Variants in FREM2 observed in about 807,000 individuals in gnomAD.
The protein encoded by FREM2 is FRAS1-related extracellular matrix protein 2.
Under a neutral mutation model 219.9 loss-of-function variants are expected in FREM2, and 119 were observed. That is an observed-to-expected ratio of 0.54 (90% CI 0.47 to 0.63). The LOEUF (loss-of-function observed/expected upper bound fraction) is 0.63, where lower values mean the gene tolerates loss of function less well. Among genes scored for constraint, FREM2 ranks in the 30% least tolerant of loss-of-function variants. The pLI, the probability that FREM2 is intolerant of heterozygous loss-of-function variation, is 0.00. For synonymous variants in FREM2, 1,562 were observed against 1,522.8 expected, an observed-to-expected ratio of 1.03 and a Z score of -0.60; for missense variants, 4,030 against 3,993.6, an observed-to-expected ratio of 1.01 and a Z score of -0.25.
chr13:38,691,744 G>A lies in FREM2; in HGVS notation c.4400G>A (p.Gly1467Asp). 1.2e-6 allele frequency: 2 copies of A among 1,613,796 alleles called. No individual in the cohort carries two copies. Among genetic ancestry groups the A allele is most frequent in the Non-Finnish European group, 1.7e-6 (2 of 1,179,758 alleles). Reference protein sequence around the residue: ...VFTITRAPMRGHLECTDQPGV... With the variant: ...VFTITRAPMRDHLECTDQPGV... The stretch of plus-strand genomic sequence containing the variant: ...ACCATCACCAGGGCTCCCATGCGAG[G>A]TCACCTGGAATGCACGGATCAGCCT... Residue 1467 changes from glycine (G) to aspartate (D), a missense_variant, in exon 1 of 24, where the codon GGT (glycine) becomes GAT (aspartate). By Grantham distance (94) the Gly-to-Asp change is moderately conservative (BLOSUM62 -1). This residue lies in a region of FREM2 where 3,102 missense variants were observed against 2,950.7 expected (regional missense o/e 1.05). Coordinates refer to ENST00000280481, the MANE Select transcript of FREM2 (RefSeq NM_207361.6).
At position 38,689,699 on chromosome 13, in the gene FREM2, T is replaced by G. The variant is rs750544972; in HGVS notation, c.2355T>G (p.Ala785=). The change falls in exon 1 of 24, where the codon GCT becomes GCG. Residue 785 remains alanine, a synonymous_variant. Coordinates refer to ENST00000280481, the MANE Select transcript of FREM2 (RefSeq NM_207361.6). ...CCCAGATCAACCATCATAAAATTGC[T>G]TACAGACCCCCGGGTCAAGAACTGG... ...TQAQINHHKI[A]YRPPGQELGV... The G allele has an allele frequency of 6.2e-7, 1 of 1,613,950 alleles. No individual in the cohort carries two copies. The highest frequency in any genetic ancestry group is 8.5e-7 in the Non-Finnish European group (1 of 1,180,008).
At chr13:38,769,502 C>T in intron 3 of FREM2, 76 bp from the exon 4 acceptor site, 1 of 1,344,350 alleles carries the variant, frequency 7.4e-7, no homozygotes, top group South Asian at 1.2e-5. Context: ...AAATGACATG[C>T]AAAAAGTTAA....
intron 8 of FREM2, 116 bp downstream of exon 8, chr13:38,848,786 T>TA (rs1246663571): frequency 3.2e-6 from 3 of 941,276 alleles, no homozygotes; most frequent in Non-Finnish European, 4.8e-6. Context: ...AGGGCTTCCA[T>TA]AACAAAGTAG....
Position 38,864,511 on chromosome 13 carries a change from C to T in FREM2, c.7888C>T (p.Leu2630=). Residue 2630 remains leucine (L), a synonymous_variant, in exon 16 of 24, where the codon CTG becomes TTG. Coordinates refer to ENST00000280481, the MANE Select transcript of FREM2 (RefSeq NM_207361.6). ...CACTACCTTGCGCTTCTACCGGAAC[C>T]TGAACCTAGAGGCCTGTTTATGGGA... ...GSTTLRFYRN[L]NLEACLWEFV... The T allele has an allele frequency of 1.9e-6, 3 of 1,614,260 alleles. No homozygotes were observed. The highest frequency in any genetic ancestry group is 2.5e-6 in the Non-Finnish European group (3 of 1,180,052).
intron 8 of FREM2, 85 bp downstream of exon 8, chr13:38,848,755 A>C: frequency 2.4e-6 from 3 of 1,225,240 alleles, no homozygotes; most frequent in Non-Finnish European, 2.3e-6. Flanking sequence ...CAAGATGATT[A>C]TATATATTTG....
At chr13:38,827,797 T>C (rs7327647) in intron 6 of FREM2, among the ~76,000 whole-genome samples, 71 of 152,204 alleles carry the variant, frequency 4.7e-4, no homozygotes, top group African/African-American at 1.7e-3. Context: ...TCCACAACAC[T>C]GTGAAATGCT....
intron 11 of FREM2, among the ~76,000 whole-genome samples, chr13:38,854,336 C>A (rs1027280785): frequency 6.6e-6 from 1 of 151,692 alleles, no homozygotes; most frequent in African/African-American, 2.4e-5. Context: ...ATCACAAAAC[C>A]TTGAATGCTT....
At chr13:38,783,265 G>A in intron 5 of FREM2, 70 bp downstream of exon 5, 1 of 1,526,668 alleles carries the variant, frequency 6.6e-7, no homozygotes, top group South Asian at 1.1e-5. Flanking sequence ...ACATATTGGA[G>A]CCATAACATT....
At chr13:38,701,022 C>G (rs1870323010) in intron 2 of FREM2, among the ~76,000 whole-genome samples, 1 of 151,942 alleles carries the variant, frequency 6.6e-6, no homozygotes, top group Non-Finnish European at 1.5e-5. Flanking sequence ...TTCAGAGGTA[C>G]ATGTGGAGGT....
At chr13:38,754,112 G>A (rs1872886063) in intron 2 of FREM2, among the ~76,000 whole-genome samples, 1 of 152,102 alleles carries the variant, frequency 6.6e-6, no homozygotes, top group African/African-American at 2.4e-5. Context: ...ACATTAGTCA[G>A]CCTGGAAGGA....
intron 6 of FREM2, among the ~76,000 whole-genome samples, chr13:38,812,298 G>GTGA (rs1210664899): frequency 1.3e-5 from 2 of 152,012 alleles, no homozygotes; most frequent in African/African-American, 2.4e-5. Context: ...TACATTTAAG[G>GTGA]TTATTATTGA....
rs1193127899 is a variant in FREM2 at position 38,853,466 on chromosome 13, C to T, written c.6925+1598C>T. On this transcript the variant is annotated intron_variant, in intron 11 of 23. Coordinates refer to ENST00000280481, the MANE Select transcript of FREM2 (RefSeq NM_207361.6). ...ATTATTCACTGTGTTTTCTCCTTTCCTACCTCTCACTATCAAGAGTCATTA... is the reference window on the plus strand; with the variant it reads ...ATTATTCACTGTGTTTTCTCCTTTCTTACCTCTCACTATCAAGAGTCATTA... 2.0e-5 allele frequency among the ~76,000 whole-genome samples: 3 copies of T among 152,094 alleles called. No homozygotes were observed. In the East Asian group the frequency reaches 5.8e-4, roughly 29 times the overall value.
rs1210581576 is a variant in FREM2 at position 38,691,713 on chromosome 13, G to A, written c.4369G>A (p.Val1457Ile). The A allele has an allele frequency of 6.2e-7, 1 of 1,613,606 alleles. No homozygotes were observed. Among genetic ancestry groups the A allele is most frequent in the Admixed American group, 1.7e-5 (1 of 60,004 alleles). ...SDLNSPDENL[V>I]FTITRAPMRG... ...CTTGAACAGTCCTGATGAAAACTTGGTTTTTACCATCACCAGGGCTCCCAT... is the reference window on the plus strand; with the variant it reads ...CTTGAACAGTCCTGATGAAAACTTGATTTTTACCATCACCAGGGCTCCCAT... The change falls in exon 1 of 24, where the codon GTT becomes ATT. Residue 1457 changes from valine to isoleucine, a missense_variant. By Grantham distance (29) the Val-to-Ile change is conservative. Coordinates refer to ENST00000280481, the MANE Select transcript of FREM2 (RefSeq NM_207361.6).
intron 21 of FREM2, 79 bp from the exon 22 acceptor site, chr13:38,878,055 T>C (rs1204713245): frequency 2.5e-6 from 3 of 1,207,504 alleles, no homozygotes; most frequent in Admixed American, 1.7e-5. Context: ...TGTGTCCTCA[T>C]TGTCATAACC....
chr13:38,864,799 T>G (rs1877899666), intron 16 of FREM2, among the ~76,000 whole-genome samples, 193 bp downstream of exon 16: 1 of 150,974 alleles, frequency 6.6e-6, no homozygotes, highest in Admixed American at 6.6e-5. Flanking sequence ...GGCCAGAATA[T>G]ACGTAGTTTT....
intron 6 of FREM2, 52 bp downstream of exon 6, chr13:38,784,860 G>C (rs752771936): frequency 6.3e-7 from 1 of 1,589,042 alleles, no homozygotes; most frequent in Non-Finnish European, 8.6e-7. Context: ...TCAACATCAG[G>C]AACAACTTTC....
chr13:38,695,859 T>C (rs916594910), intron 1 of FREM2, among the ~76,000 whole-genome samples: 6 of 152,048 alleles, frequency 3.9e-5, no homozygotes, highest in Non-Finnish European at 5.9e-5. Context: ...TTGAGAAACA[T>C]TTGCGCCTTT....
intron 6 of FREM2, among the ~76,000 whole-genome samples, chr13:38,797,566 A>G (rs1202071600): frequency 6.6e-6 from 1 of 151,426 alleles, no homozygotes; most frequent in African/African-American, 2.4e-5. Flanking sequence ...TTGTCCCTTC[A>G]CTCTGTTGAT....
chr13:38,806,168 C>T (rs2137856967), intron 6 of FREM2, among the ~76,000 whole-genome samples: 1 of 151,990 alleles, frequency 6.6e-6, no homozygotes, highest in Non-Finnish European at 1.5e-5. Flanking sequence ...AGAGAGACTT[C>T]TCCATGTTTC....
Sources: gnomAD v4.1 joint callset for allele counts (sites outside exome capture counted in the v4.1 genomes callset) on GRCh38, gnomAD v4.1.1 for gene constraint, gnomAD v4.1.1 regional missense constraint, MANE v1.5 for transcripts, NCBI Gene and HGNC (gene_info 2026-07-23, HGNC 2026-07-21) for gene names.